Variants in RAVER2 observed in about 807,000 individuals in gnomAD.
RAVER2 encodes ribonucleoprotein, PTB binding 2.
In RAVER2, 46 loss-of-function variants were observed where a neutral mutation model predicts 78.1. The ratio of observed to expected loss-of-function variants is 0.59; its 90% CI spans 0.46 to 0.75. The LOEUF is 0.75. Among genes scored for constraint, RAVER2 ranks in the 30% least tolerant of loss-of-function variants. The pLI, the probability that RAVER2 is intolerant of heterozygous loss-of-function variation, is 0.00. For missense variants in RAVER2, 793 were observed against 837.5 expected (o/e 0.95, Z 0.66); for synonymous variants, 311 against 313.3 (o/e 0.99, Z 0.08).
chr1:64,825,710 G>A (rs1055941756), intron 11 of RAVER2, among the ~76,000 whole-genome samples: 1 of 152,156 alleles, frequency 6.6e-6, no homozygotes, highest in African/African-American at 2.4e-5. Context: ...AAGATACATT[G>A]TATTAAAAAC....
In RAVER2 at chr1:64,807,488, G is replaced by T; in HGVS notation, c.1680+14G>T. The T allele has an allele frequency of 6.2e-7, 1 of 1,611,328 alleles. No homozygotes were observed. The highest frequency in any genetic ancestry group is 1.1e-5 in the South Asian group (1 of 91,028). On this transcript the variant is annotated intron_variant, in intron 9 of 11. Transcript: ENST00000294428. ...ATAAGTTCAGGGGTAAGAAAACTGT[G>T]GGTGCACACAGATGTATATATACAT...
At chr1:64,805,340 C>G (rs182982254) in intron 8 of RAVER2, among the ~76,000 whole-genome samples, 1 of 152,150 alleles carries the variant, frequency 6.6e-6, no homozygotes, top group Non-Finnish European at 1.5e-5. Flanking sequence ...ATATTTTATG[C>G]AGGTTCACAG....
chr1:64,814,696 G>A lies in RAVER2; in HGVS notation c.1793-8G>A. The A allele has an allele frequency of 1.4e-6, 2 of 1,426,828 alleles. No homozygotes were observed. Among genetic ancestry groups the A allele is most frequent in the South Asian group, 1.9e-5 (1 of 51,768 alleles). The allele number at this position is 1,426,828 out of a possible 1,614,324, so 88.4% of individuals were successfully genotyped here. On this transcript the variant is annotated splice_polypyrimidine_tract_variant and splice_region_variant and intron_variant, in intron 10 of 11. Coordinates refer to ENST00000294428, the Ensembl canonical transcript of RAVER2. ...TAAATAAAATAAACTTGTTGATTCT[G>A]CCTTTAGCCCCTGCAAGTAAAACCA... is the stretch of plus-strand genomic sequence containing the variant.
At chr1:64,817,303 GT>G (rs1375703478) in intron 11 of RAVER2, among the ~76,000 whole-genome samples, 1 of 152,188 alleles carries the variant, frequency 6.6e-6, no homozygotes, top group African/African-American at 2.4e-5. Flanking sequence ...TACAGTGTTG[GT>G]GGGACTGTAA....
At chr1:64,812,621 T>A (rs926388951) in intron 9 of RAVER2, 117 bp from the exon 10 acceptor site, 1 of 603,964 alleles carries the variant, frequency 1.7e-6, no homozygotes, top group Non-Finnish European at 2.8e-6. Context: ...TTAGTGAACA[T>A]CCATAAATAT....
intron 1 of RAVER2, among the ~76,000 whole-genome samples, chr1:64,757,005 A>G (rs565394276): frequency 2.0e-5 from 3 of 152,310 alleles, no homozygotes; most frequent in African/African-American, 7.2e-5. Context: ...ACCACTGGTG[A>G]TGTTAACCTT....
At chr1:64,760,458 G>A (rs1029326207) in intron 1 of RAVER2, among the ~76,000 whole-genome samples, 4 of 152,056 alleles carry the variant, frequency 2.6e-5, no homozygotes, top group Admixed American at 2.6e-4. Context: ...GGAAAGAAGG[G>A]GAAGAAAGGG....
chr1:64,758,903 ATAT>A (rs1651930307), intron 1 of RAVER2, among the ~76,000 whole-genome samples: 1 of 151,888 alleles, frequency 6.6e-6, no homozygotes, highest in East Asian at 1.9e-4. Context: ...AAATATTTAA[ATAT>A]TTAATATTTA....
At chr1:64,831,005 A>G in exon 12 of RAVER2, 3 of 1,607,566 alleles carry the variant, frequency 1.9e-6, no homozygotes, top group Non-Finnish European at 2.5e-6. Flanking sequence ...TCTCCTAATA[A>G]CCCCCTAAGG....
At chr1:64,749,836 C>T (rs894297473) in intron 1 of RAVER2, among the ~76,000 whole-genome samples, 4 of 152,048 alleles carry the variant, frequency 2.6e-5, no homozygotes, top group Admixed American at 1.3e-4. Context: ...AATTGTATTA[C>T]GGTTAACCTG....
intron 11 of RAVER2, among the ~76,000 whole-genome samples, chr1:64,823,577 T>C (rs1220846858): frequency 6.6e-6 from 1 of 152,208 alleles, no homozygotes; most frequent in Non-Finnish European, 1.5e-5. Context: ...GGGAGAAGTC[T>C]ACCTTAAAAG....
chr1:64,762,466 GAA>G (rs1197165275), intron 1 of RAVER2, among the ~76,000 whole-genome samples: 2 of 133,774 alleles, frequency 1.5e-5, no homozygotes, highest in African/African-American at 2.7e-5. Flanking sequence ...AGATACTTTT[GAA>G]AAAAAAAAAA....
intron 1 of RAVER2, among the ~76,000 whole-genome samples, chr1:64,768,112 A>G (rs1173298318): frequency 6.6e-6 from 1 of 151,866 alleles, no homozygotes; most frequent in Non-Finnish European, 1.5e-5. Context: ...TATTTTTTCT[A>G]CGTTTGTGCT....
chr1:64,831,107 A>G, exon 12 of RAVER2: 1 of 1,069,786 alleles, frequency 9.3e-7, no homozygotes, highest in Non-Finnish European at 1.3e-6. Flanking sequence ...TCCCAGAAGG[A>G]ACTGTGTTGT....
At chr1:64,746,541 A>G (rs1463414236) in intron 1 of RAVER2, among the ~76,000 whole-genome samples, 2 of 152,222 alleles carry the variant, frequency 1.3e-5, no homozygotes, top group Admixed American at 1.3e-4. Flanking sequence ...TGTGACTTAT[A>G]AAATAATGAG....
At chr1:64,763,603 A>C (rs1000102834) in intron 1 of RAVER2, among the ~76,000 whole-genome samples, 2 of 151,802 alleles carry the variant, frequency 1.3e-5, no homozygotes, top group Non-Finnish European at 2.9e-5. Flanking sequence ...TGTGTCTCTT[A>C]AGGATAAACA....
At chr1:64,759,665 C>T (rs1336074212) in intron 1 of RAVER2, among the ~76,000 whole-genome samples, 2 of 151,744 alleles carry the variant, frequency 1.3e-5, no homozygotes, top group Non-Finnish European at 2.9e-5. Flanking sequence ...TACAGGCGCC[C>T]GCCACCACGC....
At chr1:64,755,621 T>C (rs1373051354) in intron 1 of RAVER2, among the ~76,000 whole-genome samples, 1 of 151,974 alleles carries the variant, frequency 6.6e-6, no homozygotes, top group South Asian at 2.1e-4. Context: ...AGTTCCTGGC[T>C]TGCCTTTATT....
chr1:64,783,465 C>A (rs1652692069), intron 4 of RAVER2, among the ~76,000 whole-genome samples: 1 of 152,170 alleles, frequency 6.6e-6, no homozygotes, highest in Non-Finnish European at 1.5e-5. Context: ...TTTTGATTTG[C>A]ATTTCTCTGA....
Sources: gnomAD v4.1 joint callset for allele counts (sites outside exome capture counted in the v4.1 genomes callset) on GRCh38, gnomAD v4.1.1 for gene constraint, MANE v1.5 for transcripts, NCBI Gene and HGNC (gene_info 2026-07-23, HGNC 2026-07-21) for gene names.